The following ARHGAP22 variants were observed in gnomAD, a reference collection of about 807,000 sequenced individuals.
ARHGAP22 encodes rho GTPase-activating protein 22.
In ARHGAP22, 48 loss-of-function variants were observed where a neutral mutation model predicts 59.1. The ratio of observed to expected loss-of-function variants is 0.81; its 90% CI spans 0.64 to 1.03. The LOEUF (loss-of-function observed/expected upper bound fraction) is 1.03, where lower values mean the gene tolerates loss of function less well. Ranked by LOEUF, ARHGAP22 falls within the 50% of genes least tolerant of loss-of-function variation. The probability of loss-of-function intolerance (pLI) is 0.00; values close to 1 mark genes in which losing one functional copy is unlikely to be tolerated. For synonymous variants in ARHGAP22, 445 were observed against 416.4 expected (o/e 1.07, Z -0.84); for missense variants, 1,015 against 958.7 (o/e 1.06, Z -0.78).
At chr10:48,614,702 G>GA (rs2061015413) in intron 1 of ARHGAP22, among the ~76,000 whole-genome samples, 1 of 152,226 alleles carries the variant, frequency 6.6e-6, no homozygotes, top group Non-Finnish European at 1.5e-5. Context: ...GTCTCAGTAA[G>GA]AACAGCAAGG....
rs1446546837 is a variant in ARHGAP22, at chr10:48,524,213, GGTGC to G, written c.322+31246_322+31249del. On this transcript the variant is annotated intron_variant, in intron 3 of 9. Transcript: ENST00000249601. ...ACGGGCAGTGCCCAGCTGGGCGCAGGGTGCGCGGGACCGCCGGCCCGCGGCTCCC... is the reference window on the plus strand; with the variant it reads ...ACGGGCAGTGCCCAGCTGGGCGCAGGGCGGGACCGCCGGCCCGCGGCTCCC... 58 of 732,870 alleles carry G rather than the reference GGTGC, an allele frequency of 7.9e-5. No homozygotes were observed. The African/African-American group carries it at 9.9e-4, about 12-fold the overall frequency. 45.4% of individuals were successfully genotyped at this position (732,870 alleles called of 1,614,324 possible). A position where few individuals can be genotyped will look rare whatever the true frequency, so the allele number is the denominator to read the frequency against.
Position 48,550,746 on chromosome 10 carries a change from G to A in ARHGAP22, c.322+4717C>T, listed in dbSNP as rs955980397. Among the ~76,000 whole-genome samples, 5 of 152,340 alleles carry A rather than the reference G, an allele frequency of 3.3e-5. No homozygotes were observed. In the East Asian group the frequency reaches 9.6e-4, roughly 29 times the overall value. ...CTGAGATTTGGGGGTTATTCCAGCA[G>A]TTCACTTACCCTAATACAAAAAAGC... On this transcript the variant is annotated intron_variant, in intron 3 of 9. Coordinates refer to ENST00000249601, the MANE Select transcript of ARHGAP22 (RefSeq NM_021226.4).
intron 3 of ARHGAP22, among the ~76,000 whole-genome samples, chr10:48,492,743 G>A (rs2050529342): frequency 6.6e-6 from 1 of 151,984 alleles, no homozygotes; most frequent in East Asian, 1.9e-4. Context: ...TAGTAGAGAT[G>A]GGGTTTCATC....
At chr10:48,520,658 G>A (rs1229558650) in intron 3 of ARHGAP22, among the ~76,000 whole-genome samples, 1 of 152,160 alleles carries the variant, frequency 6.6e-6, no homozygotes, top group Non-Finnish European at 1.5e-5. Flanking sequence ...AGCAACTCAG[G>A]CAGGTTTATG....
At chr10:48,608,962 A>G (rs2060778094), upstream of ARHGAP22, among the ~76,000 whole-genome samples, 1 of 152,202 alleles carries the variant, frequency 6.6e-6, no homozygotes, top group African/African-American at 2.4e-5. Context: ...GGTGGATAAT[A>G]TATACTGGGT....
At chr10:48,563,525 C>T (rs1467177134) in intron 2 of ARHGAP22, among the ~76,000 whole-genome samples, 2 of 152,190 alleles carry the variant, frequency 1.3e-5, no homozygotes, top group African/African-American at 4.8e-5. Context: ...AGATGGTTAG[C>T]AACCTTAATT....
intron 1 of ARHGAP22, among the ~76,000 whole-genome samples, chr10:48,614,343 AAT>A (rs1215552347): frequency 6.6e-6 from 1 of 152,236 alleles, no homozygotes; most frequent in Non-Finnish European, 1.5e-5. Context: ...CCTTAACAAG[AAT>A]AGATTCATTG....
chr10:48,545,728 G>A (rs1358939789), intron 3 of ARHGAP22, among the ~76,000 whole-genome samples: 2 of 152,206 alleles, frequency 1.3e-5, no homozygotes, highest in Admixed American at 1.3e-4. Context: ...TAAGACAGCA[G>A]GCAGCAGTCT....
chr10:48,537,952 A>G (rs1410428869), intron 3 of ARHGAP22, among the ~76,000 whole-genome samples: 2 of 152,216 alleles, frequency 1.3e-5, no homozygotes, highest in African/African-American at 4.8e-5. Context: ...ACTAGTGAGC[A>G]TGGGCCCTGC....
chr10:48,467,251 C>T (rs1050722998), intron 4 of ARHGAP22, among the ~76,000 whole-genome samples: 2 of 152,182 alleles, frequency 1.3e-5, no homozygotes, highest in Non-Finnish European at 2.9e-5. Flanking sequence ...GGTGATGGAC[C>T]TTCATTAACA....
At chr10:48,556,656 T>G (rs2057329789) in intron 2 of ARHGAP22, 1 of 152,244 alleles carries the variant, frequency 6.6e-6, no homozygotes, top group Admixed American at 6.5e-5. Flanking sequence ...AATAAAGTAC[T>G]TTGTAGGGAT....
At chr10:48,576,703 C>A (rs10776622) in intron 2 of ARHGAP22, among the ~76,000 whole-genome samples, 8 of 152,096 alleles carry the variant, frequency 5.3e-5, no homozygotes, top group Admixed American at 2.0e-4. Context: ...AATTCTTCCC[C>A]TGCCATTGCC....
chr10:48,555,611 GT>G (rs1403211291), intron 2 of ARHGAP22, 61 bp from the exon 3 acceptor site: 14 of 1,542,262 alleles, frequency 9.1e-6, no homozygotes, highest in Non-Finnish European at 1.3e-5. Context: ...GACTGCTGTC[GT>G]CAGGGTCCCT....
chr10:48,555,316 G>T, intron 3 of ARHGAP22, 147 bp downstream of exon 3: 1 of 686,798 alleles, frequency 1.5e-6, no homozygotes, highest in Non-Finnish European at 2.5e-6. Context: ...TGAGTATGCT[G>T]TCGATTTGGC....
the ARHGAP22 span, chr10:48,435,672 A>G: frequency 6.6e-6 from 1 of 152,240 alleles, no homozygotes; most frequent in Non-Finnish European, 1.5e-5. Context: ...CGTCATCTAA[A>G]TGGCAGAATA....
At chr10:48,632,523 C>A (rs918687206) in intron 1 of ARHGAP22, among the ~76,000 whole-genome samples, 1 of 152,140 alleles carries the variant, frequency 6.6e-6, no homozygotes, top group African/African-American at 2.4e-5. Flanking sequence ...AAGGTGATCC[C>A]CATACCCCTG....
At chr10:48,509,352 G>T (rs1328054353) in intron 3 of ARHGAP22, among the ~76,000 whole-genome samples, 1 of 152,236 alleles carries the variant, frequency 6.6e-6, no homozygotes, top group Admixed American at 6.5e-5. Flanking sequence ...GAGCAGAGGG[G>T]ACACCTCCAG....
intron 8 of ARHGAP22, 114 bp from the exon 9 acceptor site, chr10:48,451,254 A>G: frequency 7.1e-7 from 1 of 1,417,944 alleles, no homozygotes; most frequent in Non-Finnish European, 9.7e-7. Flanking sequence ...CCCCAGAGCC[A>G]GGCCGCCCCT....
intron 3 of ARHGAP22, among the ~76,000 whole-genome samples, chr10:48,523,817 C>T (rs2054057634): frequency 6.6e-6 from 1 of 152,086 alleles, no homozygotes; most frequent in African/African-American, 2.4e-5. Flanking sequence ...GGACCCCACC[C>T]CCACTCCCAC....
Sources: gnomAD v4.1 joint callset for allele counts (sites outside exome capture counted in the v4.1 genomes callset) on GRCh38, gnomAD v4.1.1 for gene constraint, MANE v1.5 for transcripts, NCBI Gene and HGNC (gene_info 2026-07-23, HGNC 2026-07-21) for gene names.